FZR1: variants seen among roughly 807,000 people sequenced by gnomAD.
FZR1 encodes the protein fizzy and cell division cycle 20 related 1, also known as fizzy-related protein homolog.
In FZR1, 11 loss-of-function variants were observed where a neutral mutation model predicts 63.6. The ratio of observed to expected loss-of-function variants is 0.17; its 90% CI spans 0.11 to 0.29. The LOEUF (loss-of-function observed/expected upper bound fraction) is 0.29. Among genes scored for constraint, FZR1 ranks in the 10% least tolerant of loss-of-function variants. The probability of loss-of-function intolerance (pLI) is 1.00; values close to 1 mark genes in which losing one functional copy is unlikely to be tolerated. For synonymous variants in FZR1, 328 were observed against 297.9 expected (o/e 1.10, Z -1.04); for missense variants, 440 against 687.5 (o/e 0.64, Z 4.03).
At chr19:3,530,434 G>A (rs375807606) in intron 7 of FZR1, among the ~76,000 whole-genome samples, 2 of 75,558 alleles carry the variant, frequency 2.6e-5, no homozygotes, top group African/African-American at 3.7e-5. Flanking sequence ...ATGGGAGAGC[G>A]GATGGGAGAG....
chr19:3,527,619 C>T lies in FZR1; in HGVS notation c.471-12C>T. 1.9e-6 allele frequency: 3 copies of T among 1,596,180 alleles called. No individual in the cohort carries two copies. The highest frequency in any genetic ancestry group is 2.6e-6 in the Non-Finnish European group (3 of 1,171,936). Reference sequence around the variant, plus strand: ...GCCGTGGCTCACGGATGCCACGTGGCCGCCTCTGCAGCCAGAAGCTGCTCC... The same window carrying T: ...GCCGTGGCTCACGGATGCCACGTGGTCGCCTCTGCAGCCAGAAGCTGCTCC... On this transcript the variant is annotated splice_polypyrimidine_tract_variant and intron_variant, in intron 6 of 13. Coordinates refer to ENST00000441788, the MANE Select transcript of FZR1 (RefSeq NM_016263.4).
intron 6 of FZR1, among the ~76,000 whole-genome samples, 196 bp from the exon 7 acceptor site, chr19:3,527,435 G>A (rs767960878): frequency 5.9e-5 from 9 of 152,138 alleles, no homozygotes; most frequent in Non-Finnish European, 1.3e-4. Context: ...CTGTGGAAGG[G>A]AGGCCAGGGC....
chr19:3,510,888 C>T (rs1031850578), intron 1 of FZR1, among the ~76,000 whole-genome samples: 5 of 152,228 alleles, frequency 3.3e-5, no homozygotes, highest in African/African-American at 1.2e-4. Flanking sequence ...GAGCCCAGGA[C>T]TCCCCGCCAT....
Position 3,525,483 on chromosome 19 carries a change from C to A in FZR1, c.70-385C>A, listed in dbSNP as rs1420169722. Among the ~76,000 whole-genome samples, 2 of 134,536 alleles carry A rather than the reference C, an allele frequency of 1.5e-5. No homozygotes were observed. The highest frequency in any genetic ancestry group is 3.0e-5 in the Non-Finnish European group (2 of 65,694). The allele number at this position is 134,536 out of a possible 152,430, so 88.3% of individuals were successfully genotyped here. Reference sequence around the variant, plus strand: ...TTTGAGACGGAGTCTCGCTCTGTCGCCCAGGCTGGAGTGCAGTGGCACAAT... The same window carrying A: ...TTTGAGACGGAGTCTCGCTCTGTCGACCAGGCTGGAGTGCAGTGGCACAAT... On this transcript the variant is annotated intron_variant, in intron 2 of 13. Transcript: ENST00000441788. This position sits in a 1 kb window ranked among gnomAD's most constrained non-coding sequence, Gnocchi z 4.2.
At chr19:3,531,609 C>A (rs1272464589) in intron 8 of FZR1, 105 bp from the exon 9 acceptor site, 11 of 745,578 alleles carry the variant, frequency 1.5e-5, no homozygotes, top group Middle Eastern at 7.5e-4. Flanking sequence ...GGGAAACCGT[C>A]CCAGAGCCCT....
At chr19:3,527,936 G>A (rs955303395) in intron 7 of FZR1, 122 bp downstream of exon 7, 5 of 673,570 alleles carry the variant, frequency 7.4e-6, no homozygotes, top group Non-Finnish European at 1.2e-5. Context: ...GGCCCTCCTA[G>A]CTGGGGCCTC....
At chr19:3,529,190 A>AGAGCGGT (rs2083201646) in intron 7 of FZR1, among the ~76,000 whole-genome samples, 5 of 123,412 alleles carry the variant, frequency 4.1e-5, no homozygotes, top group Non-Finnish European at 8.4e-5. Context: ...GGGAGAGCGG[A>AGAGCGGT]TGGGAGAGCG....
Position 3,525,972 on chromosome 19 carries a change from C to G in FZR1, c.174C>G (p.Ser58Arg). Residue 58 changes from serine (S) to arginine (R), a missense_variant, in exon 3 of 14, where the codon AGC (serine) becomes AGG (arginine). Ser to Arg is a moderately radical substitution (Grantham distance 110, BLOSUM62 -1). Coordinates refer to ENST00000441788, the MANE Select transcript of FZR1 (RefSeq NM_016263.4). This position sits in a 1 kb window ranked among gnomAD's most constrained non-coding sequence, Gnocchi z 4.2. ...FIPSRAGANW[S>R]VNFHRINENE... ...CCTCCAGAGCCGGAGCCAACTGGAG[C>G]GTGAACTTCCACAGGATTAACGTGA... The G allele has an allele frequency of 1.2e-6, 2 of 1,612,246 alleles. No homozygotes were observed. Among genetic ancestry groups the G allele is most frequent in the Non-Finnish European group, 1.7e-6 (2 of 1,179,768 alleles).
Position 3,535,843 on chromosome 19 carries a change from AG to A in FZR1, c.*1009del, listed in dbSNP as rs1222919307. ...AGCGCCAACAGCCGTGGGGAAGCCA[AG>A]GAGACCCAAGGGGTCCAGGAGGTGG... On this transcript the variant is annotated 3_prime_UTR_variant, in exon 14 of 14. Transcript: ENST00000441788. 1 of 152,332 alleles carries A rather than the reference AG, an allele frequency of 6.6e-6. No individual in the cohort carries two copies. Among genetic ancestry groups the A allele is most frequent in the African/African-American group, 2.4e-5 (1 of 41,474 alleles). The allele number at this position is 152,332 out of a possible 1,614,324, so 9.4% of individuals were successfully genotyped here.
chr19:3,529,096 G>A (rs1277194026), intron 7 of FZR1, among the ~76,000 whole-genome samples: 7 of 144,344 alleles, frequency 4.8e-5, no homozygotes, highest in South Asian at 2.2e-4. Context: ...GAGAGCAGAC[G>A]GTTGAGCGGA....
chr19:3,532,207 A>G, intron 10 of FZR1, 112 bp downstream of exon 10: 1 of 1,052,348 alleles, frequency 9.5e-7, no homozygotes, highest in Non-Finnish European at 1.3e-6. Context: ...CCCACTCCAC[A>G]GCCATCAGCA....
At chr19:3,509,863 G>A (rs989452664) in intron 1 of FZR1, among the ~76,000 whole-genome samples, 4 of 152,166 alleles carry the variant, frequency 2.6e-5, no homozygotes, top group African/African-American at 9.7e-5. Context: ...AGTGGACGTT[G>A]GTGCTGTTTC....
chr19:3,508,294 T>G (rs1249873983), intron 1 of FZR1, among the ~76,000 whole-genome samples: 2 of 150,324 alleles, frequency 1.3e-5, no homozygotes, highest in Non-Finnish European at 1.5e-5. Flanking sequence ...CCTCCCAGGT[T>G]CAAGTGATTC....
At chr19:3,511,584 C>T (rs2083024972) in intron 1 of FZR1, among the ~76,000 whole-genome samples, 1 of 152,226 alleles carries the variant, frequency 6.6e-6, no homozygotes, top group Non-Finnish European at 1.5e-5. Context: ...GCTGCACACC[C>T]AGTGGGGGCA....
At position 3,531,919 on chromosome 19, in the gene FZR1, G is replaced by T; in HGVS notation, c.832G>T (p.Ala278Ser). Residue 278 changes from alanine to serine, a missense_variant, in exon 10 of 14, where the codon GCC (alanine) becomes TCC (serine). Physicochemically the swap from Ala to Ser is moderately conservative, Grantham distance 99. Coordinates refer to ENST00000441788, the MANE Select transcript of FZR1 (RefSeq NM_016263.4). ...EGHTARVGAL[A>S]WNAEQLSSGS... ...TTCCACCTGGCCTCCAGGGGCGCTGGCCTGGAATGCTGAGCAGCTGTCGTC... is the reference window on the plus strand; with the variant it reads ...TTCCACCTGGCCTCCAGGGGCGCTGTCCTGGAATGCTGAGCAGCTGTCGTC... 1 of 1,595,786 alleles carries T rather than the reference G, an allele frequency of 6.3e-7. No individual in the cohort carries two copies. The highest frequency in any genetic ancestry group is 8.5e-7 in the Non-Finnish European group (1 of 1,173,924).
In FZR1 at chr19:3,531,625, G is replaced by A. The variant is rs549160917; in HGVS notation, c.721-89G>A. ...GGAAACCGTCCCAGAGCCCTGGTGA[G>A]GAGAGAGCCTGGCGCGACCAACGCC... On this transcript the variant is annotated intron_variant, in intron 8 of 13. Coordinates refer to ENST00000441788, the MANE Select transcript of FZR1 (RefSeq NM_016263.4). 5.7e-4 allele frequency: 486 copies of A among 852,082 alleles called. 1 individual carries two copies. The highest frequency in any genetic ancestry group is 8.1e-4 in the Non-Finnish European group (438 of 541,710). The allele number at this position is 852,082 out of a possible 1,614,324, so 52.8% of individuals were successfully genotyped here.
At position 3,536,272 on chromosome 19, in the gene FZR1, C is replaced by T. The variant is rs1206491593; in HGVS notation, c.*1436C>T. 1 of 152,140 alleles carries T rather than the reference C, an allele frequency of 6.6e-6. No individual in the cohort carries two copies. The highest frequency in any genetic ancestry group is 1.5e-5 in the Non-Finnish European group (1 of 68,018). 9.4% of individuals were successfully genotyped at this position (152,140 alleles called of 1,614,324 possible). On this transcript the variant is annotated 3_prime_UTR_variant, in exon 14 of 14. Transcript: ENST00000441788. ...GAGGGGCCAGGACCCACCCACTGCT[C>T]CTGGGGGATGAGGTCCTGGTTTTAA... is the stretch of plus-strand genomic sequence containing the variant.
rs1599782673 is a variant in FZR1, at chr19:3,525,460, T to TA, written c.70-408_70-407insA. 6.8e-6 allele frequency among the ~76,000 whole-genome samples: 1 copy of TA among 146,620 alleles called. No homozygotes were observed. The highest frequency in any genetic ancestry group is 2.0e-4 in the East Asian group (1 of 4,944). On this transcript the variant is annotated intron_variant, in intron 2 of 13. Coordinates refer to ENST00000441788, the MANE Select transcript of FZR1 (RefSeq NM_016263.4). This position sits in a 1 kb window ranked among gnomAD's most constrained non-coding sequence, Gnocchi z 4.2. ...TTTTTTTTTTTTTTTTTTTTTTTTT[T>TA]GAGACGGAGTCTCGCTCTGTCGCCC...
rs1386565436 is a variant in FZR1 at position 3,529,504 on chromosome 19, GGATGGGAGAGCA to G, written c.655-1277_655-1266del. ...CAGATGGGAGAGCAGATGGGTGAGC[GGATGGGAGAGCA>G]GATGGGAGAGTGGATGAGAGTGGTT... On this transcript the variant is annotated intron_variant, in intron 7 of 13. Transcript: ENST00000441788. Among the ~76,000 whole-genome samples, 100 of 141,592 alleles carry G rather than the reference GGATGGGAGAGCA, an allele frequency of 7.1e-4. 2 individuals are homozygous for G. The highest frequency in any genetic ancestry group is 1.0e-3 in the Admixed American group (15 of 14,328). 92.9% of individuals were successfully genotyped at this position (141,592 alleles called of 152,430 possible).
Sources: gnomAD v4.1 joint callset for allele counts (sites outside exome capture counted in the v4.1 genomes callset) on GRCh38, gnomAD v4.1.1 for gene constraint, Gnocchi (gnomAD v3.1) non-coding constraint, MANE v1.5 for transcripts, NCBI Gene and HGNC (gene_info 2026-07-23, HGNC 2026-07-21) for gene names.